CADM2: variants seen among roughly 807,000 people sequenced by gnomAD.
CADM2 encodes immunoglobulin superfamily member 4D.
In CADM2, 12 loss-of-function variants were observed where a neutral mutation model predicts 49.8. That is an observed-to-expected ratio of 0.24 (90% confidence interval 0.15 to 0.39). The LOEUF is 0.39. CADM2 is among the 10% of genes least tolerant of loss of function. The pLI is 1.00. For missense variants in CADM2, 378 were observed against 492.3 expected, an observed-to-expected ratio of 0.77 and a Z score of 2.20; for synonymous variants, 214 against 175.4, an observed-to-expected ratio of 1.22 and a Z score of -1.74.
At chr3:85,321,129 T>TC in intron 1 of CADM2, among the ~76,000 whole-genome samples, 1 of 11,606 alleles carries the variant, frequency 8.6e-5, no homozygotes, top group African/African-American at 7.1e-4. Flanking sequence ...TTTTTTTTTT[T>TC]TTTTTTTTTT....
chr3:85,631,690 A>C (rs1423180336), intron 1 of CADM2, among the ~76,000 whole-genome samples: 1 of 152,164 alleles, frequency 6.6e-6, no homozygotes, highest in African/African-American at 2.4e-5. Context: ...CATTTTAAAC[A>C]ATAGAAGTCT....
chr3:85,920,820 G>A (rs1460130383), intron 6 of CADM2, among the ~76,000 whole-genome samples: 4 of 150,776 alleles, frequency 2.7e-5, no homozygotes, highest in Non-Finnish European at 5.9e-5. Flanking sequence ...TCATTGAAGA[G>A]GATATATATA....
intron 1 of CADM2, among the ~76,000 whole-genome samples, chr3:85,339,531 T>G (rs543666190): frequency 6.7e-6 from 1 of 149,178 alleles, no homozygotes; most frequent in South Asian, 2.1e-4. Context: ...TCCTTTCATC[T>G]TTTTTTTCTC....
chr3:85,496,313 T>C (rs1280651371), intron 1 of CADM2, among the ~76,000 whole-genome samples: 1 of 152,216 alleles, frequency 6.6e-6, no homozygotes, highest in Non-Finnish European at 1.5e-5. Flanking sequence ...TCTGTTTCTG[T>C]GTTATTTTGC....
chr3:85,897,241 C>CTTTTTTTTTT lies in CADM2; in HGVS notation c.529+10944_529+10953dup, dbSNP rs752550127. ...CAACAATAATTGCTTTAACCTACAT[C>CTTTTTTTTTT]TTTTTTTTTTTTTTTTTTTTTTTTT... On this transcript the variant is annotated intron_variant, in intron 5 of 9. Coordinates refer to ENST00000383699, the MANE Select transcript of CADM2 (RefSeq NM_001167675.2). Among the ~76,000 whole-genome samples the CTTTTTTTTTT allele has an allele frequency of 9.6e-4, 44 of 45,924 alleles. 7 individuals are homozygous for CTTTTTTTTTT. The highest frequency in any genetic ancestry group is 2.0e-3 in the African/African-American group (30 of 14,946). The allele number at this position is 45,924 out of a possible 152,430, so 30.1% of individuals were successfully genotyped here.
chr3:85,918,159 T>G lies in CADM2; in HGVS notation c.700+5616T>G, dbSNP rs575690981. On this transcript the variant is annotated intron_variant, in intron 6 of 9. Transcript: ENST00000383699. ...ATGCCCTTTATTCACTTCTCCTTCC[T>G]GATTGGCCTGGCCAGAACTTCCAAC... Among the ~76,000 whole-genome samples, 9 of 152,298 alleles carry G rather than the reference T, an allele frequency of 5.9e-5. 1 individual carries two copies. Among genetic ancestry groups the G allele is most frequent in the African/African-American group, 2.2e-4 (9 of 41,580 alleles).
intron 1 of CADM2, among the ~76,000 whole-genome samples, chr3:85,589,218 C>T (rs115014542): frequency 6.6e-6 from 1 of 151,970 alleles, no homozygotes; most frequent in Non-Finnish European, 1.5e-5. Flanking sequence ...TTTTGCTTGA[C>T]TAACTGCCCA....
chr3:85,262,674 G>T (rs2043037988), intron 1 of CADM2, among the ~76,000 whole-genome samples: 2 of 152,034 alleles, frequency 1.3e-5, no homozygotes, highest in South Asian at 4.1e-4. Flanking sequence ...AACTTATCAT[G>T]AATAATAGTT....
At chr3:85,885,680 CAA>C (rs1230774557) in intron 4 of CADM2, among the ~76,000 whole-genome samples, 17 of 86,584 alleles carry the variant, frequency 2.0e-4, no homozygotes, top group African/African-American at 5.9e-4. Flanking sequence ...GACTCTATCT[CAA>C]AAAAAAAAAA....
intron 1 of CADM2, among the ~76,000 whole-genome samples, chr3:85,038,313 A>G (rs765954635): frequency 6.6e-6 from 1 of 152,234 alleles, no homozygotes; most frequent in Non-Finnish European, 1.5e-5. Context: ...TTTAGTGAAA[A>G]TTAAATAAGA....
At chr3:85,759,388 T>C (rs2069268702) in intron 2 of CADM2, among the ~76,000 whole-genome samples, 1 of 152,128 alleles carries the variant, frequency 6.6e-6, no homozygotes, top group Non-Finnish European at 1.5e-5. Context: ...ATTTTACTTC[T>C]GATGAAATAC....
chr3:85,995,690 G>A (rs117922458), intron 8 of CADM2, among the ~76,000 whole-genome samples: 2,291 of 152,220 alleles, frequency 0.015, 105 homozygotes, highest in Admixed American at 0.085. Context: ...AATGATTAGT[G>A]ATAGGTATTC....
intron 2 of CADM2, among the ~76,000 whole-genome samples, chr3:85,798,819 T>G (rs2071797149): frequency 6.6e-6 from 1 of 152,190 alleles, no homozygotes; most frequent in African/African-American, 2.4e-5. Flanking sequence ...AAGTCAATGG[T>G]AGCTTGATGG....
intron 1 of CADM2, among the ~76,000 whole-genome samples, chr3:85,517,214 T>G (rs1408311827): frequency 1.3e-5 from 2 of 152,102 alleles, no homozygotes; most frequent in Non-Finnish European, 2.9e-5. Context: ...ATTTCAATTT[T>G]ACTCACTTTT....
chr3:85,247,069 T>C (rs1322886422), intron 1 of CADM2, among the ~76,000 whole-genome samples: 5 of 151,988 alleles, frequency 3.3e-5, no homozygotes, highest in Non-Finnish European at 5.9e-5. Flanking sequence ...TAAAAAAAAT[T>C]AGGAGCTTAT....
At chr3:85,210,229 A>T (rs2041745596) in intron 1 of CADM2, among the ~76,000 whole-genome samples, 1 of 152,152 alleles carries the variant, frequency 6.6e-6, no homozygotes, top group Non-Finnish European at 1.5e-5. Context: ...CATCAATTGA[A>T]ATGATATGTT....
chr3:85,428,680 C>CATATAT (rs112249345), intron 1 of CADM2, among the ~76,000 whole-genome samples: 48 of 143,220 alleles, frequency 3.4e-4, no homozygotes, highest in African/African-American at 1.2e-3. Flanking sequence ...TATAATATAT[C>CATATAT]ATATATATAT....
rs541390109 is a variant in CADM2, at chr3:85,076,464, C to T, written c.61+116796C>T. Among the ~76,000 whole-genome samples, 364 of 152,052 alleles carry T rather than the reference C, an allele frequency of 2.4e-3. 4 individuals carry two copies. Among genetic ancestry groups the T allele is most frequent in the African/African-American group, 8.4e-3 (348 of 41,506 alleles). ...CAGAGTTGAAGCCATTCTCCTACCTCAGCCTCCTGAGTAGCTGGGATTACA... is the reference window on the plus strand; with the variant it reads ...CAGAGTTGAAGCCATTCTCCTACCTTAGCCTCCTGAGTAGCTGGGATTACA... On this transcript the variant is annotated intron_variant, in intron 1 of 9. Coordinates refer to ENST00000383699, the MANE Select transcript of CADM2 (RefSeq NM_001167675.2).
intron 8 of CADM2, among the ~76,000 whole-genome samples, chr3:86,009,990 T>C (rs1159286317): frequency 6.6e-6 from 1 of 151,860 alleles, no homozygotes; most frequent in Non-Finnish European, 1.5e-5. Context: ...GTTGATTGTC[T>C]TGGTGAAATT....
Sources: allele counts gnomAD v4.1 joint callset (sites outside exome capture counted in the v4.1 genomes callset), GRCh38; gene constraint gnomAD v4.1.1; transcripts MANE v1.5; gene names NCBI Gene and HGNC (gene_info 2026-07-23, HGNC 2026-07-21).